Variants in GPC5 observed in about 807,000 individuals in gnomAD.
GPC5 encodes glypican 5.
Under a neutral mutation model 53.9 loss-of-function variants are expected in GPC5, and 47 were observed. The observed-to-expected ratio is 0.87, with a 90% confidence interval of 0.69 to 1.11. The LOEUF (loss-of-function observed/expected upper bound fraction) is 1.11. Among genes scored for constraint, GPC5 ranks in the 50% most tolerant of loss-of-function variants. The pLI, the probability that GPC5 is intolerant of heterozygous loss-of-function variation, is 0.00. For synonymous variants in GPC5, 286 were observed against 263.3 expected (o/e 1.09, Z -0.84); for missense variants, 748 against 713.1 (o/e 1.05, Z -0.56).
At chr13:91,591,923 ATTGTATAT>A (rs2032814887) in intron 2 of GPC5, among the ~76,000 whole-genome samples, 1 of 152,182 alleles carries the variant, frequency 6.6e-6, no homozygotes, top group African/African-American at 2.4e-5. Flanking sequence ...CAGATTCTGA[ATTGTATAT>A]CTGTCATTTC....
At chr13:92,046,840 CT>C (rs1338918346) in intron 6 of GPC5, among the ~76,000 whole-genome samples, 2 of 152,166 alleles carry the variant, frequency 1.3e-5, no homozygotes, top group East Asian at 3.9e-4. Context: ...AGACTTCTGT[CT>C]TTATAATGCA....
At chr13:91,474,975 A>G (rs1011091395) in intron 2 of GPC5, among the ~76,000 whole-genome samples, 1 of 152,220 alleles carries the variant, frequency 6.6e-6, no homozygotes, top group African/African-American at 2.4e-5. Context: ...ACACATAAAC[A>G]AGAAGTCAAG....
At chr13:92,168,269 T>C (rs900623695) in intron 7 of GPC5, among the ~76,000 whole-genome samples, 7 of 152,164 alleles carry the variant, frequency 4.6e-5, no homozygotes, top group Admixed American at 2.0e-4. Context: ...TTTCAGGACA[T>C]AGGCACTGGC....
intron 6 of GPC5, among the ~76,000 whole-genome samples, chr13:92,067,135 A>G (rs565635557): frequency 6.6e-6 from 1 of 152,234 alleles, no homozygotes; most frequent in South Asian, 2.1e-4. Context: ...CTATAAAAGC[A>G]TTGCAAAAGT....
At chr13:91,925,236 A>G (rs2039755884) in intron 6 of GPC5, among the ~76,000 whole-genome samples, 1 of 152,206 alleles carries the variant, frequency 6.6e-6, no homozygotes, top group Non-Finnish European at 1.5e-5. Flanking sequence ...TATGAAAAAT[A>G]TTAAATATAT....
At chr13:92,527,162 AAGAAAGAAAGAG>A (rs1566276677) in intron 7 of GPC5, among the ~76,000 whole-genome samples, 2 of 121,498 alleles carry the variant, frequency 1.6e-5, no homozygotes, top group East Asian at 4.7e-4. Flanking sequence ...GAAAGAAAGA[AAGAAAGAAAGAG>A]AAAGAAAGAA....
chr13:91,778,681 C>G (rs1284019230), intron 5 of GPC5, among the ~76,000 whole-genome samples: 2 of 152,212 alleles, frequency 1.3e-5, no homozygotes, highest in African/African-American at 2.4e-5. Flanking sequence ...ACCTGTGTGT[C>G]TCCAACCTTG....
At chr13:92,129,091 T>C (rs1208715927) in intron 6 of GPC5, among the ~76,000 whole-genome samples, 1 of 152,180 alleles carries the variant, frequency 6.6e-6, no homozygotes. Context: ...TTCTAAGATT[T>C]TGAAGCTGAA....
intron 3 of GPC5, among the ~76,000 whole-genome samples, chr13:91,696,815 A>G (rs1245922170): frequency 1.3e-5 from 2 of 152,242 alleles, no homozygotes; most frequent in African/African-American, 4.8e-5. Flanking sequence ...TTTAAATTTC[A>G]TAATTCTGTG....
intron 2 of GPC5, among the ~76,000 whole-genome samples, chr13:91,607,760 A>G (rs1332135138): frequency 6.6e-6 from 1 of 152,190 alleles, no homozygotes; most frequent in Non-Finnish European, 1.5e-5. Context: ...AGACAATCAC[A>G]TGGAGGAAAT....
At chr13:91,900,709 A>G (rs1324470361) in intron 5 of GPC5, among the ~76,000 whole-genome samples, 1 of 152,078 alleles carries the variant, frequency 6.6e-6, no homozygotes, top group Non-Finnish European at 1.5e-5. Flanking sequence ...AGAAAAGGCT[A>G]AGCAATGTTC....
intron 6 of GPC5, among the ~76,000 whole-genome samples, chr13:92,003,338 A>G (rs948435275): frequency 6.6e-6 from 1 of 151,794 alleles, no homozygotes; most frequent in Non-Finnish European, 1.5e-5. Context: ...AAAAAAAAAA[A>G]AAAAAAGAAA....
chr13:92,393,060 G>A (rs1875085731), intron 7 of GPC5, among the ~76,000 whole-genome samples: 1 of 152,124 alleles, frequency 6.6e-6, no homozygotes, highest in Admixed American at 6.5e-5. Context: ...CAGATTCCCA[G>A]AGGAATATAA....
At chr13:92,468,386 G>A (rs905783303) in intron 7 of GPC5, among the ~76,000 whole-genome samples, 5 of 152,092 alleles carry the variant, frequency 3.3e-5, no homozygotes, top group African/African-American at 1.2e-4. Flanking sequence ...TGTTTGGAAT[G>A]CAGATTTAGA....
In GPC5 at chr13:92,533,235, C is replaced by G. The variant is rs1881620582; in HGVS notation, c.1562-333047C>G. 2.0e-5 allele frequency among the ~76,000 whole-genome samples: 3 copies of G among 152,074 alleles called. No individual in the cohort carries two copies. The South Asian group carries it at 6.2e-4, about 31-fold the overall frequency. ...GTGAAAATACATGTACAAATGTAAACTTAACTTCCACTTTTATTTTACTTC... is the reference window on the plus strand; with the variant it reads ...GTGAAAATACATGTACAAATGTAAAGTTAACTTCCACTTTTATTTTACTTC... On this transcript the variant is annotated intron_variant, in intron 7 of 7. Coordinates refer to ENST00000377067, the MANE Select transcript of GPC5 (RefSeq NM_004466.6).
intron 7 of GPC5, among the ~76,000 whole-genome samples, chr13:92,484,000 T>C (rs976050206): frequency 6.6e-6 from 1 of 152,104 alleles, no homozygotes. Flanking sequence ...TGGCCAGGTA[T>C]AATGGCATGC....
At chr13:92,402,950 C>T (rs1295074913) in intron 7 of GPC5, among the ~76,000 whole-genome samples, 1 of 152,150 alleles carries the variant, frequency 6.6e-6, no homozygotes, top group East Asian at 1.9e-4. Flanking sequence ...TTGTTTTTCT[C>T]TAAAGAAGAA....
At chr13:92,204,418 C>G (rs529250426) in intron 7 of GPC5, among the ~76,000 whole-genome samples, 1 of 152,064 alleles carries the variant, frequency 6.6e-6, no homozygotes, top group Non-Finnish European at 1.5e-5. Context: ...TAATGTTTGC[C>G]AAGAACTAGC....
At chr13:91,873,645 C>CT (rs1279170320) in intron 5 of GPC5, among the ~76,000 whole-genome samples, 47 of 152,126 alleles carry the variant, frequency 3.1e-4, no homozygotes, top group Non-Finnish European at 2.4e-4. Context: ...CTTTAAACCT[C>CT]TTTTTCTGTA....
Sources: allele counts gnomAD v4.1 joint callset (sites outside exome capture counted in the v4.1 genomes callset), GRCh38; gene constraint gnomAD v4.1.1; transcripts MANE v1.5; gene names NCBI Gene and HGNC (gene_info 2026-07-23, HGNC 2026-07-21).